FSD1L: variants seen among roughly 807,000 people sequenced by gnomAD.
FSD1L encodes fibronectin type III and SPRY domain containing 1 like, also known as FSD1-like protein.
FSD1L carries 45 observed loss-of-function variants against 71.6 expected under a neutral mutation model. The ratio of observed to expected loss-of-function variants is 0.63; its 90% CI spans 0.49 to 0.81. The LOEUF (loss-of-function observed/expected upper bound fraction) is 0.81, where lower values mean the gene tolerates loss of function less well. FSD1L is among the 30% of genes least tolerant of loss of function. The pLI, the probability that FSD1L is intolerant of heterozygous loss-of-function variation, is 0.00. For missense variants in FSD1L, 561 were observed against 618.1 expected, an observed-to-expected ratio of 0.91 and a Z score of 0.98; for synonymous variants, 197 against 207.2, an observed-to-expected ratio of 0.95 and a Z score of 0.42.
chr9:105,448,319 G>T, intron 1 of FSD1L, 84 bp downstream of exon 1: 3 of 1,282,024 alleles, frequency 2.3e-6, no homozygotes, highest in Non-Finnish European at 3.1e-6. Context: ...CGTGGGCTGT[G>T]GGTGCGCGGG....
At chr9:105,481,149 G>A (rs1272475111) in intron 6 of FSD1L, among the ~76,000 whole-genome samples, 1 of 124,668 alleles carries the variant, frequency 8.0e-6, no homozygotes, top group Non-Finnish European at 1.7e-5. Flanking sequence ...CTCTGTGTGT[G>A]TGTGTGTGTG....
intron 10 of FSD1L, among the ~76,000 whole-genome samples, chr9:105,514,445 G>T (rs573542413): frequency 3.9e-5 from 6 of 152,172 alleles, no homozygotes; most frequent in South Asian, 4.1e-4. Context: ...TCTGCTGGAT[G>T]TTATAGGATT....
rs1316238262 is a variant in FSD1L at position 105,546,475 on chromosome 9, A to C, written c.1585A>C (p.Thr529Pro). 6.5e-7 allele frequency: 1 copy of C among 1,546,228 alleles called. No individual in the cohort carries two copies. Among genetic ancestry groups the C allele is most frequent in the South Asian group, 1.2e-5 (1 of 82,782 alleles). ...AGCTAGCAGCCTGAACAATGTTGTTACTCAATAGTGTCTACTCAGAATACG... is the reference window on the plus strand; with the variant it reads ...AGCTAGCAGCCTGAACAATGTTGTTCCTCAATAGTGTCTACTCAGAATACG... ...GSASSLNNVV[T>P]Q The change falls in exon 14 of 14, where the codon ACT (threonine) becomes CCT (proline). Residue 529 changes from threonine to proline, a missense_variant. Around this residue, in one of 3 missense-constraint regions of FSD1L, gnomAD observed 98 missense variants for 102.3 expected, o/e 0.96. Coordinates refer to ENST00000481272, the MANE Select transcript of FSD1L (RefSeq NM_001145313.3).
intron 7 of FSD1L, among the ~76,000 whole-genome samples, chr9:105,505,820 C>G (rs181765574): frequency 3.3e-5 from 5 of 152,286 alleles, no homozygotes; most frequent in African/African-American, 1.2e-4. Flanking sequence ...TCAGACAAGT[C>G]CGTATCACTG....
chr9:105,495,046 T>C (rs973910480), intron 7 of FSD1L, among the ~76,000 whole-genome samples: 2 of 152,104 alleles, frequency 1.3e-5, no homozygotes, highest in Admixed American at 1.3e-4. Flanking sequence ...GTCAGGGACA[T>C]TGAAGTCTGC....
chr9:105,524,255 C>T (rs1233944449), intron 10 of FSD1L: 29 of 1,612,244 alleles, frequency 1.8e-5, no homozygotes, highest in African/African-American at 5.3e-5. Context: ...CAGTAGCCCA[C>T]GTAGCTTGTA....
chr9:105,465,348 A>T (rs989064290), intron 3 of FSD1L, among the ~76,000 whole-genome samples: 1 of 152,242 alleles, frequency 6.6e-6, no homozygotes, highest in Non-Finnish European at 1.5e-5. Context: ...AATATCAGTT[A>T]TTCTCAGCCT....
At position 105,484,512 on chromosome 9, in the gene FSD1L, T is replaced by C; in HGVS notation, c.586+10T>C. ...TTGAAGTTTTTGCCAGGTAAATACA[T>C]GTATTACATGTAAAGTTTTGTATAA... On this transcript the variant is annotated intron_variant, in intron 7 of 13. Coordinates refer to ENST00000481272, the MANE Select transcript of FSD1L (RefSeq NM_001145313.3). The C allele has an allele frequency of 4.1e-6, 6 of 1,472,896 alleles. No individual in the cohort carries two copies. The highest frequency in any genetic ancestry group is 2.6e-5 in the East Asian group (1 of 37,818). 91.2% of individuals were successfully genotyped at this position (1,472,896 alleles called of 1,614,324 possible).
chr9:105,466,732 A>G (rs1406355222), intron 3 of FSD1L, among the ~76,000 whole-genome samples: 1 of 152,030 alleles, frequency 6.6e-6, no homozygotes, highest in African/African-American at 2.4e-5. Flanking sequence ...ATCTTGAACT[A>G]TTTTATTGGA....
chr9:105,541,974 G>GTA (rs1240145354), intron 13 of FSD1L, among the ~76,000 whole-genome samples: 1 of 152,108 alleles, frequency 6.6e-6, no homozygotes, highest in African/African-American at 2.4e-5. Context: ...TCATTGCTGA[G>GTA]TAGTGTTTCA....
At chr9:105,521,604 G>A (rs1835160422) in intron 10 of FSD1L, 4 of 1,612,972 alleles carry the variant, frequency 2.5e-6, no homozygotes, top group African/African-American at 1.3e-5. Flanking sequence ...GTTCATGCAA[G>A]AGCCTGAAGA....
chr9:105,479,481 C>A (rs1832030047), intron 6 of FSD1L, 105 bp downstream of exon 6: 10 of 913,858 alleles, frequency 1.1e-5, no homozygotes, highest in Middle Eastern at 2.2e-4. Flanking sequence ...ATAAAAGTAC[C>A]CAATGACCAA....
rs139375973 is a variant in FSD1L, at chr9:105,531,905, G to C, written c.1026-2588G>C. ...TTACTTTCGCCCTCTTCCTTTTCAT[G>C]TCTTCTTTTAATGTTGCATCTAAAA... On this transcript the variant is annotated intron_variant, in intron 10 of 13. Coordinates refer to ENST00000481272, the MANE Select transcript of FSD1L (RefSeq NM_001145313.3). Among the ~76,000 whole-genome samples, 854 of 152,194 alleles carry C rather than the reference G, an allele frequency of 5.6e-3. 10 individuals are homozygous for C. The highest frequency in any genetic ancestry group is 0.02 in the African/African-American group (825 of 41,542).
rs548572949 is a variant in FSD1L, at chr9:105,529,340, C to G, written c.1026-5153C>G. Among the ~76,000 whole-genome samples the G allele has an allele frequency of 3.9e-5, 6 of 152,262 alleles. No individual in the cohort carries two copies. The South Asian group carries it at 1.0e-3, about 26-fold the overall frequency. The stretch of plus-strand genomic sequence containing the variant: ...ACATGCACACATATGTTTATCGGGT[C>G]ACTATTCACAACAGAAAGCCTTGGA... On this transcript the variant is annotated intron_variant, in intron 10 of 13. Transcript: ENST00000481272.
intron 7 of FSD1L, among the ~76,000 whole-genome samples, chr9:105,505,177 G>A (rs72744269): frequency 0.14 from 21,859 of 152,090 alleles, 1,705 homozygotes; most frequent in Admixed American, 0.22. Context: ...TTTCTGTTCC[G>A]CTTATTCATC....
chr9:105,476,948 A>G (rs984917878), intron 5 of FSD1L, among the ~76,000 whole-genome samples: 3 of 152,164 alleles, frequency 2.0e-5, no homozygotes, highest in Non-Finnish European at 2.9e-5. Flanking sequence ...AAGTGGAGCC[A>G]TGGGAGTTTT....
intron 1 of FSD1L, 44 bp from the exon 2 acceptor site, chr9:105,461,476 T>C (rs1473748499): frequency 3.2e-6 from 3 of 943,624 alleles, no homozygotes; most frequent in South Asian, 4.8e-5. Flanking sequence ...CTTTACTTTT[T>C]TGATGTGGCT....
At chr9:105,524,772 C>A in intron 10 of FSD1L, 1 of 1,605,340 alleles carries the variant, frequency 6.2e-7, no homozygotes, top group Non-Finnish European at 8.5e-7. Context: ...TATAGCAGCC[C>A]GCACTGTTAT....
At chr9:105,514,006 G>A (rs981248564) in intron 10 of FSD1L, among the ~76,000 whole-genome samples, 1 of 152,172 alleles carries the variant, frequency 6.6e-6, no homozygotes, top group Non-Finnish European at 1.5e-5. Flanking sequence ...CACACAGCAG[G>A]TTTGAAGAGT....
Sources: gnomAD v4.1 joint callset for allele counts (sites outside exome capture counted in the v4.1 genomes callset) on GRCh38, gnomAD v4.1.1 for gene constraint, gnomAD v4.1.1 regional missense constraint, MANE v1.5 for transcripts, NCBI Gene and HGNC (gene_info 2026-07-23, HGNC 2026-07-21) for gene names.